Variants in FHIT observed in about 807,000 individuals in gnomAD.
FHIT encodes the protein fragile histidine triad diadenosine triphosphatase.
In FHIT, 19 loss-of-function variants were observed where a neutral mutation model predicts 17.9. The observed-to-expected ratio is 1.06, with a 90% confidence interval of 0.74 to 1.56. The LOEUF is 1.56. Among genes scored for constraint, FHIT ranks in the 40% most tolerant of loss-of-function variants. FHIT has a pLI of 0.00. For missense variants in FHIT, 248 were observed against 189.2 expected, an observed-to-expected ratio of 1.31 and a Z score of -1.82; for synonymous variants, 81 against 69.7, an observed-to-expected ratio of 1.16 and a Z score of -0.81.
At position 60,011,418 on chromosome 3, in the gene FHIT, C is replaced by T. The variant is rs370197096; in HGVS notation, c.250-18G>A. 4.1e-4 allele frequency: 665 copies of T among 1,611,360 alleles called. 1 individual carries two copies. Among genetic ancestry groups the T allele is most frequent in the Non-Finnish European group, 4.0e-4 (474 of 1,177,606 alleles). ...GGGCCATCCTAGAAGTAGGAAAAAACCAACAGAGGTGAGAATAGATAGATG... is the reference window on the plus strand; with the variant it reads ...GGGCCATCCTAGAAGTAGGAAAAAATCAACAGAGGTGAGAATAGATAGATG... On this transcript the variant is annotated intron_variant, in intron 6 of 9. Transcript: ENST00000492590.
chr3:61,023,385 GA>G (rs1172510562), intron 3 of FHIT, among the ~76,000 whole-genome samples: 2 of 152,100 alleles, frequency 1.3e-5, no homozygotes, highest in Non-Finnish European at 2.9e-5. Context: ...TCATGGATAG[GA>G]AAAATCAATA....
intron 4 of FHIT, among the ~76,000 whole-genome samples, chr3:60,726,052 A>G (rs1259425575): frequency 1.3e-5 from 2 of 152,222 alleles, no homozygotes; most frequent in African/African-American, 4.8e-5. Context: ...TCTAACAAAC[A>G]GTAGCTAAGC....
At chr3:59,795,690 G>T (rs1344957136) in intron 8 of FHIT, among the ~76,000 whole-genome samples, 1 of 152,046 alleles carries the variant, frequency 6.6e-6, no homozygotes, top group Non-Finnish European at 1.5e-5. Flanking sequence ...TTGCACCACT[G>T]TACTCCAGCC....
At chr3:60,500,209 A>G (rs1157080823) in intron 5 of FHIT, among the ~76,000 whole-genome samples, 2 of 152,202 alleles carry the variant, frequency 1.3e-5, no homozygotes, top group Non-Finnish European at 2.9e-5. Context: ...CCGTTTACCA[A>G]TTGATGATGT....
At chr3:60,208,613 A>T (rs1703309488) in intron 5 of FHIT, among the ~76,000 whole-genome samples, 1 of 152,136 alleles carries the variant, frequency 6.6e-6, no homozygotes, top group Non-Finnish European at 1.5e-5. Context: ...CAACATATGT[A>T]TTTTCAGTAT....
chr3:61,132,564 T>A (rs1014904920), intron 2 of FHIT, among the ~76,000 whole-genome samples: 1 of 152,176 alleles, frequency 6.6e-6, no homozygotes, highest in Non-Finnish European at 1.5e-5. Flanking sequence ...GAATGCCTTA[T>A]GGAAAATGTG....
chr3:60,241,994 C>T (rs1705153003), intron 5 of FHIT, among the ~76,000 whole-genome samples: 1 of 151,916 alleles, frequency 6.6e-6, no homozygotes, highest in South Asian at 2.1e-4. Flanking sequence ...TGACTAATCA[C>T]AATTATTGGT....
intron 4 of FHIT, among the ~76,000 whole-genome samples, chr3:60,737,789 G>T (rs1471496494): frequency 6.6e-6 from 1 of 152,124 alleles, no homozygotes; most frequent in Non-Finnish European, 1.5e-5. Flanking sequence ...TGTGGGGTGG[G>T]AGCAGGGTTA....
chr3:60,374,717 C>T (rs1478258700), intron 5 of FHIT, among the ~76,000 whole-genome samples: 1 of 151,750 alleles, frequency 6.6e-6, no homozygotes, highest in Non-Finnish European at 1.5e-5. Flanking sequence ...ACCTGTGCAG[C>T]CCGAAGTCAA....
intron 2 of FHIT, among the ~76,000 whole-genome samples, chr3:61,061,322 T>C (rs2034421275): frequency 6.6e-6 from 1 of 152,160 alleles, no homozygotes; most frequent in South Asian, 2.1e-4. Flanking sequence ...GTGCCTTGGT[T>C]ACAGGTAAGT....
intron 3 of FHIT, among the ~76,000 whole-genome samples, chr3:61,004,151 G>T (rs1403301409): frequency 1.3e-5 from 2 of 152,106 alleles, no homozygotes; most frequent in African/African-American, 4.8e-5. Context: ...GTGAAAGAAG[G>T]TGAGCACAGA....
At chr3:60,041,735 G>A (rs964343111) in intron 5 of FHIT, among the ~76,000 whole-genome samples, 17 of 152,118 alleles carry the variant, frequency 1.1e-4, no homozygotes, top group African/African-American at 4.1e-4. Flanking sequence ...GATTTCTGTT[G>A]TTTTCTGTCA....
At chr3:60,501,838 A>G (rs1336742731) in intron 5 of FHIT, among the ~76,000 whole-genome samples, 1 of 152,244 alleles carries the variant, frequency 6.6e-6, no homozygotes, top group African/African-American at 2.4e-5. Flanking sequence ...ATATTACTGT[A>G]TATTACGTGC....
intron 8 of FHIT, among the ~76,000 whole-genome samples, chr3:59,765,511 A>C (rs1701748831): frequency 6.6e-6 from 1 of 152,236 alleles, no homozygotes; most frequent in South Asian, 2.1e-4. Context: ...ATATTTTTAC[A>C]TTAACTTGAT....
At chr3:60,953,641 C>A (rs1159895159) in intron 3 of FHIT, among the ~76,000 whole-genome samples, 15 of 152,100 alleles carry the variant, frequency 9.9e-5, no homozygotes, top group African/African-American at 3.6e-4. Context: ...TGCCAACATC[C>A]CTTCCCATCT....
chr3:60,034,883 T>C (rs1185124121), intron 5 of FHIT, among the ~76,000 whole-genome samples: 2 of 152,242 alleles, frequency 1.3e-5, no homozygotes, highest in African/African-American at 2.4e-5. Context: ...ATTCACAGCA[T>C]TGAGTTTGTT....
At chr3:61,132,932 T>C (rs538556580) in intron 2 of FHIT, among the ~76,000 whole-genome samples, 4 of 152,050 alleles carry the variant, frequency 2.6e-5, no homozygotes, top group Non-Finnish European at 4.4e-5. Flanking sequence ...AAATGGGGTG[T>C]AGGGAGTAGA....
intron 4 of FHIT, among the ~76,000 whole-genome samples, chr3:60,711,398 A>G (rs1409306230): frequency 1.3e-5 from 2 of 152,250 alleles, no homozygotes; most frequent in Non-Finnish European, 2.9e-5. Context: ...GCAGCTCCTC[A>G]CCAGCAATGG....
chr3:60,192,278 T>C (rs912717439), intron 5 of FHIT, among the ~76,000 whole-genome samples: 1 of 146,070 alleles, frequency 6.8e-6, no homozygotes, highest in African/African-American at 2.5e-5. Context: ...AGTTAAAGGA[T>C]AGACAGGCAA....
Sources: allele counts gnomAD v4.1 joint callset (sites outside exome capture counted in the v4.1 genomes callset), GRCh38; gene constraint gnomAD v4.1.1; transcripts MANE v1.5; gene names NCBI Gene and HGNC (gene_info 2026-07-23, HGNC 2026-07-21).